The following FAM193A variants were observed in gnomAD, a reference collection of about 807,000 sequenced individuals.
The protein encoded by FAM193A is protein FAM193A.
FAM193A carries 22 observed loss-of-function variants against 126.5 expected under a neutral mutation model. The observed-to-expected ratio is 0.17, with a 90% CI of 0.12 to 0.25. The LOEUF (loss-of-function observed/expected upper bound fraction) is 0.25. Among genes scored for constraint, FAM193A ranks in the 10% least tolerant of loss-of-function variants. The pLI, the probability that FAM193A is intolerant of heterozygous loss-of-function variation, is 1.00. For missense variants in FAM193A, 1,675 were observed against 1,672.8 expected, an observed-to-expected ratio of 1.00 and a Z score of -0.02; for synonymous variants, 761 against 646.8, an observed-to-expected ratio of 1.18 and a Z score of -2.68.
In FAM193A at chr4:2,646,721, C is replaced by G; in HGVS notation, c.1200C>G (p.Asp400Glu). The G allele has an allele frequency of 6.2e-7, 1 of 1,613,710 alleles. No homozygotes were observed. Among genetic ancestry groups the G allele is most frequent in the South Asian group, 1.1e-5 (1 of 91,018 alleles). ...CCACACACGACACCTGCAGTGAGGA[C>G]ACATACAGTACCTTGCTGCAGAGGT... ...GTTTHDTCSE[D>E]TYSTLLQRYQ... Residue 400 changes from aspartate (D) to glutamate (E), a missense_variant, in exon 7 of 21, where the codon GAC (aspartate) becomes GAG (glutamate). By Grantham distance (45) the Asp-to-Glu change is conservative. Coordinates refer to ENST00000637812, the MANE Select transcript of FAM193A (RefSeq NM_001366318.2).
intron 7 of FAM193A, among the ~76,000 whole-genome samples, chr4:2,652,813 A>G (rs889805463): frequency 2.0e-5 from 3 of 152,214 alleles, no homozygotes; most frequent in African/African-American, 7.2e-5. Context: ...TGTAACCTTC[A>G]GGTGACTTCA....
intron 1 of FAM193A, among the ~76,000 whole-genome samples, chr4:2,554,551 G>A (rs971682017): frequency 6.6e-6 from 1 of 151,950 alleles, no homozygotes; most frequent in Non-Finnish European, 1.5e-5. Context: ...TTATTGGATG[G>A]TTTCTGAATG....
chr4:2,695,235 G>T (rs920764930), intron 17 of FAM193A, 106 bp downstream of exon 17: 3 of 874,590 alleles, frequency 3.4e-6, no homozygotes, highest in African/African-American at 1.8e-5. Flanking sequence ...TCCACTTCTA[G>T]GGTATATCCA....
At chr4:2,654,204 T>C (rs928034778) in intron 7 of FAM193A, among the ~76,000 whole-genome samples, 6 of 152,156 alleles carry the variant, frequency 3.9e-5, no homozygotes, top group African/African-American at 1.4e-4. Flanking sequence ...TGTATGTATG[T>C]GGCAAGAGAG....
intron 18 of FAM193A, among the ~76,000 whole-genome samples, chr4:2,698,340 G>A (rs1440090375): frequency 1.3e-5 from 2 of 152,204 alleles, no homozygotes; most frequent in African/African-American, 4.8e-5. Flanking sequence ...GTGTGCCAGC[G>A]AGTGTCCTGA....
intron 2 of FAM193A, among the ~76,000 whole-genome samples, chr4:2,604,201 A>G (rs148727302): frequency 1.3e-5 from 2 of 152,260 alleles, no homozygotes; most frequent in East Asian, 3.9e-4. Flanking sequence ...GTTGAAAATC[A>G]TGGTCTGTAT....
chr4:2,549,243 A>C (rs1737755533), intron 1 of FAM193A, among the ~76,000 whole-genome samples: 1 of 150,550 alleles, frequency 6.6e-6, no homozygotes, highest in Admixed American at 6.7e-5. Flanking sequence ...CAGGCTGTAA[A>C]CCGGTTTTTT....
intron 1 of FAM193A, among the ~76,000 whole-genome samples, chr4:2,556,585 T>C (rs996452930): frequency 6.6e-6 from 1 of 152,136 alleles, no homozygotes; most frequent in African/African-American, 2.4e-5. Flanking sequence ...AGGAGGCTGA[T>C]GTGGGGGGAT....
Position 2,716,005 on chromosome 4 carries a change from T to G in FAM193A, c.4373-18T>G. 1 of 1,443,182 alleles carries G rather than the reference T, an allele frequency of 6.9e-7. No individual in the cohort carries two copies. The highest frequency in any genetic ancestry group is 9.8e-7 in the Non-Finnish European group (1 of 1,023,878). 89.4% of individuals were successfully genotyped at this position (1,443,182 alleles called of 1,614,324 possible). A position where few individuals can be genotyped will look rare whatever the true frequency, so the allele number is the denominator to read the frequency against. ...CTGCTGCTGTAATTTGACTTGCTGC[T>G]TCTCTTTTGTTTTACAGATGATGTC... On this transcript the variant is annotated intron_variant, in intron 19 of 20. Transcript: ENST00000637812.
rs112292078 is a variant in FAM193A, at chr4:2,676,918, G to A, written c.2331+4546G>A. ...ATCACGTCACTGCACTCCAGCTTGG[G>A]CGACAGAGCAAGATTCCGTCTCAAA... is the stretch of plus-strand genomic sequence containing the variant. On this transcript the variant is annotated intron_variant, in intron 13 of 20. Transcript: ENST00000637812. Among the ~76,000 whole-genome samples, 1,216 of 152,138 alleles carry A rather than the reference G, an allele frequency of 8.0e-3. 15 individuals are homozygous for A. Among genetic ancestry groups the A allele is most frequent in the African/African-American group, 0.028 (1,162 of 41,506 alleles).
chr4:2,583,565 C>G (rs1740072221), intron 1 of FAM193A, among the ~76,000 whole-genome samples: 1 of 152,160 alleles, frequency 6.6e-6, no homozygotes, highest in Admixed American at 6.5e-5. Context: ...TCTTCGGGCT[C>G]TTTCAGATCT....
At chr4:2,537,763 G>A (rs1312742280) in intron 1 of FAM193A, among the ~76,000 whole-genome samples, 1 of 152,222 alleles carries the variant, frequency 6.6e-6, no homozygotes, top group African/African-American at 2.4e-5. Flanking sequence ...AAATCTACCT[G>A]ACAGCCACCT....
intron 16 of FAM193A, 86 bp downstream of exon 16, chr4:2,693,960 G>T: frequency 7.3e-7 from 1 of 1,374,496 alleles, no homozygotes; most frequent in Non-Finnish European, 1.0e-6. Flanking sequence ...AACTCCCCTG[G>T]GACCATGCAG....
At chr4:2,616,880 T>C (rs1742220646) in intron 2 of FAM193A, among the ~76,000 whole-genome samples, 1 of 148,852 alleles carries the variant, frequency 6.7e-6, no homozygotes, top group African/African-American at 2.4e-5. Context: ...AATTGAATAT[T>C]TTAAGTGGCT....
At chr4:2,584,811 G>C (rs1483423872) in intron 1 of FAM193A, among the ~76,000 whole-genome samples, 2 of 152,028 alleles carry the variant, frequency 1.3e-5, no homozygotes, top group Admixed American at 6.6e-5. Flanking sequence ...TGTAGTCCCA[G>C]CTACTCAGGA....
intron 7 of FAM193A, among the ~76,000 whole-genome samples, chr4:2,649,231 A>G (rs1279458638): frequency 6.6e-6 from 1 of 151,578 alleles, no homozygotes; most frequent in Non-Finnish European, 1.5e-5. Flanking sequence ...AAAATTAGCC[A>G]GGCTGGGTGC....
intron 2 of FAM193A, among the ~76,000 whole-genome samples, chr4:2,620,836 C>CAAAAAAAAAAAAA (rs34305537): frequency 2.3e-4 from 16 of 69,088 alleles, no homozygotes; most frequent in African/African-American, 9.7e-4. Flanking sequence ...AACTCCGTCT[C>CAAAAAAAAAAAAA]AAAAAAAAAA....
chr4:2,651,064 C>G (rs1745615083), intron 7 of FAM193A, among the ~76,000 whole-genome samples: 1 of 152,196 alleles, frequency 6.6e-6, no homozygotes, highest in Admixed American at 6.5e-5. Context: ...GGGCTTGATA[C>G]TCACCCCTGT....
At chr4:2,602,940 G>C (rs949360790) in intron 2 of FAM193A, among the ~76,000 whole-genome samples, 16 of 137,968 alleles carry the variant, frequency 1.2e-4, no homozygotes, top group Non-Finnish European at 2.1e-4. Flanking sequence ...GATTACAAGT[G>C]TGAGCCACTG....
Sources: gnomAD v4.1 joint callset for allele counts (sites outside exome capture counted in the v4.1 genomes callset) on GRCh38, gnomAD v4.1.1 for gene constraint, MANE v1.5 for transcripts, NCBI Gene and HGNC (gene_info 2026-07-23, HGNC 2026-07-21) for gene names.